The following MYT1L variants were observed in gnomAD, a reference collection of about 807,000 sequenced individuals.
The protein encoded by MYT1L is myelin transcription factor 1 like.
Under a neutral mutation model 126.7 loss-of-function variants are expected in MYT1L, and 12 were observed. That is an observed-to-expected ratio of 0.09 (90% CI 0.06 to 0.15). The LOEUF (loss-of-function observed/expected upper bound fraction) is 0.15. Ranked by LOEUF, MYT1L falls within the 10% of genes least tolerant of loss-of-function variation. The pLI, the probability that MYT1L is intolerant of heterozygous loss-of-function variation, is 1.00. For synonymous variants in MYT1L, 541 were observed against 604.2 expected, an observed-to-expected ratio of 0.90 and a Z score of 1.53; for missense variants, 979 against 1,585.2, an observed-to-expected ratio of 0.62 and a Z score of 6.49.
rs544842958 is a variant in MYT1L at position 1,823,769 on chromosome 2, C to A, written c.3081-14602G>T. 1.2e-3 allele frequency among the ~76,000 whole-genome samples: 182 copies of A among 152,328 alleles called. 1 individual carries two copies. The highest frequency in any genetic ancestry group is 4.1e-3 in the African/African-American group (170 of 41,584). On this transcript the variant is annotated intron_variant, in intron 21 of 24. Coordinates refer to ENST00000647738, the MANE Select transcript of MYT1L (RefSeq NM_001303052.2). ...GAGGCTGGGTCCCTGTAGGAAGATC[C>A]GTGGCTGGAGGCGTGTTCAGCCCTG...
intron 14 of MYT1L, among the ~76,000 whole-genome samples, chr2:1,893,422 G>A (rs2049173999): frequency 1.3e-5 from 2 of 152,122 alleles, no homozygotes; most frequent in African/African-American, 4.8e-5. Flanking sequence ...TCTTCCCCAA[G>A]AGATCCCCGC....
chr2:1,995,465 A>C (rs1204260217), intron 5 of MYT1L, among the ~76,000 whole-genome samples: 1 of 152,208 alleles, frequency 6.6e-6, no homozygotes, highest in Non-Finnish European at 1.5e-5. Flanking sequence ...GAGCATTCTA[A>C]ATAATAAGAG....
intron 2 of MYT1L, among the ~76,000 whole-genome samples, chr2:2,183,987 G>GAC (rs1168442545): frequency 6.8e-6 from 1 of 147,936 alleles, no homozygotes; most frequent in Non-Finnish European, 1.5e-5. Flanking sequence ...GAAAGAGAGA[G>GAC]AGAAAGGGGG....
At chr2:1,865,888 C>A (rs1039550976) in intron 18 of MYT1L, among the ~76,000 whole-genome samples, 2 of 152,222 alleles carry the variant, frequency 1.3e-5, no homozygotes, top group Admixed American at 6.5e-5. Flanking sequence ...GTCCCCTGAG[C>A]AAGAGGCTAC....
chr2:1,950,661 A>G (rs2057665687), intron 8 of MYT1L, among the ~76,000 whole-genome samples: 1 of 152,146 alleles, frequency 6.6e-6, no homozygotes, highest in South Asian at 2.1e-4. Flanking sequence ...AGACAGAGGG[A>G]CCCAGAGGGC....
chr2:1,794,690 T>G (rs1052159988), intron 23 of MYT1L, among the ~76,000 whole-genome samples: 1 of 152,196 alleles, frequency 6.6e-6, no homozygotes, highest in African/African-American at 2.4e-5. Flanking sequence ...TATCTTCCTA[T>G]GTTCAGGAAT....
intron 2 of MYT1L, among the ~76,000 whole-genome samples, chr2:2,276,968 T>C (rs1210462067): frequency 1.0e-5 from 1 of 100,494 alleles, no homozygotes; most frequent in South Asian, 3.9e-4. Flanking sequence ...TAACTTCCGA[T>C]TGATTCTTTT....
At chr2:2,043,257 C>T (rs2150029308) in intron 4 of MYT1L, among the ~76,000 whole-genome samples, 1 of 152,222 alleles carries the variant, frequency 6.6e-6, no homozygotes, top group Middle Eastern at 3.4e-3. Flanking sequence ...CCACCTAGTC[C>T]CTTGTATTAA....
chr2:2,071,628 T>A (rs950964509), intron 3 of MYT1L, among the ~76,000 whole-genome samples: 7 of 152,216 alleles, frequency 4.6e-5, no homozygotes, highest in Non-Finnish European at 7.3e-5. Flanking sequence ...AAAGTAGGAA[T>A]AGCCAAAAAT....
intron 3 of MYT1L, among the ~76,000 whole-genome samples, chr2:2,058,140 G>A (rs534766268): frequency 6.6e-6 from 1 of 152,338 alleles, no homozygotes; most frequent in Admixed American, 6.5e-5. Flanking sequence ...TTCTAGGTAT[G>A]TAGTGACAGC....
In MYT1L at chr2:1,887,699, A is replaced by C; in HGVS notation, c.2521-90T>G. 6.9e-7 allele frequency: 1 copy of C among 1,456,416 alleles called. No homozygotes were observed. The highest frequency in any genetic ancestry group is 9.6e-7 in the Non-Finnish European group (1 of 1,044,816). The allele number at this position is 1,456,416 out of a possible 1,614,324, so 90.2% of individuals were successfully genotyped here. The stretch of plus-strand genomic sequence containing the variant: ...GGTTCGTGGCTCTGGGGTGGCCTCT[A>C]CATCTTACACCTCTTTCTGCTGTAC... On this transcript the variant is annotated intron_variant, in intron 16 of 24. Coordinates refer to ENST00000647738, the MANE Select transcript of MYT1L (RefSeq NM_001303052.2). The surrounding 1 kb of genome is among the most constrained non-coding windows in gnomAD (Gnocchi z 4.8).
rs796719313 is a variant in MYT1L at position 1,808,967 on chromosome 2, G to T, written c.3172+109C>A. 5.1e-5 allele frequency: 50 copies of T among 971,510 alleles called. No individual in the cohort carries two copies. The Middle Eastern group carries it at 8.7e-4, about 17-fold the overall frequency. 60.2% of individuals were successfully genotyped at this position (971,510 alleles called of 1,614,324 possible). On this transcript the variant is annotated intron_variant, in intron 22 of 24. Coordinates refer to ENST00000647738, the MANE Select transcript of MYT1L (RefSeq NM_001303052.2). ...GAGGGCCAGAATTATCTCTGCCCCT[G>T]CTTTCTAAGAAAAGTGAGCTGTAAC...
chr2:2,115,122 C>A (rs2080027176), intron 3 of MYT1L, among the ~76,000 whole-genome samples: 1 of 152,246 alleles, frequency 6.6e-6, no homozygotes, highest in African/African-American at 2.4e-5. Context: ...CGGCTGTTAA[C>A]ACTTTTCCCT....
chr2:1,946,973 G>A (rs889274775), intron 8 of MYT1L, among the ~76,000 whole-genome samples: 9 of 152,220 alleles, frequency 5.9e-5, no homozygotes, highest in African/African-American at 2.2e-4. Context: ...CTCCTCCAGA[G>A]CCTGCCCTTG....
At chr2:2,086,734 C>T (rs1371864797) in intron 3 of MYT1L, among the ~76,000 whole-genome samples, 2 of 152,186 alleles carry the variant, frequency 1.3e-5, no homozygotes, top group Non-Finnish European at 2.9e-5. Flanking sequence ...GGATCTCACA[C>T]AAAGGGCTTG....
chr2:2,105,868 T>C (rs551645127), intron 3 of MYT1L, among the ~76,000 whole-genome samples: 21 of 152,350 alleles, frequency 1.4e-4, no homozygotes, highest in Admixed American at 1.2e-3. Flanking sequence ...TGGTTCATTT[T>C]AGAAGGCAGG....
At chr2:2,076,080 A>G (rs72767363) in intron 3 of MYT1L, among the ~76,000 whole-genome samples, 10,637 of 152,270 alleles carry the variant, frequency 0.07, 436 homozygotes, top group African/African-American at 0.1. Flanking sequence ...TCATGGAGAC[A>G]GCAAACTGCT....
intron 2 of MYT1L, among the ~76,000 whole-genome samples, chr2:2,250,772 A>G (rs1053980987): frequency 2.6e-5 from 4 of 152,172 alleles, no homozygotes; most frequent in Non-Finnish European, 4.4e-5. Flanking sequence ...CTTGTACATC[A>G]TAAATATATA....
chr2:2,084,673 G>C (rs2076181853), intron 3 of MYT1L, among the ~76,000 whole-genome samples: 1 of 152,160 alleles, frequency 6.6e-6, no homozygotes, highest in Non-Finnish European at 1.5e-5. Context: ...TGCAGCCTGT[G>C]AGAGACCCTA....
Sources: allele counts gnomAD v4.1 joint callset (sites outside exome capture counted in the v4.1 genomes callset), GRCh38; gene constraint gnomAD v4.1.1; non-coding constraint Gnocchi (gnomAD v3.1); transcripts MANE v1.5; gene names NCBI Gene and HGNC (gene_info 2026-07-23, HGNC 2026-07-21).